Variants in CASKIN2 observed in about 807,000 individuals in gnomAD.
CASKIN2 encodes caskin-2.
Under a neutral mutation model 107.1 loss-of-function variants are expected in CASKIN2, and 41 were observed. The ratio of observed to expected loss-of-function variants is 0.38; its 90% CI spans 0.30 to 0.50. The LOEUF (loss-of-function observed/expected upper bound fraction) is 0.50, where lower values mean the gene tolerates loss of function less well. Ranked by LOEUF, CASKIN2 falls within the 20% of genes least tolerant of loss-of-function variation. The probability of loss-of-function intolerance (pLI) is 0.92; values close to 1 mark genes in which losing one functional copy is unlikely to be tolerated. For synonymous variants in CASKIN2, 724 were observed against 705.6 expected (o/e 1.03, Z -0.41); for missense variants, 1,546 against 1,657.4 (o/e 0.93, Z 1.17).
rs2053230863 is a variant in CASKIN2 at position 75,503,760 on chromosome 17, C to A, written c.1579G>T (p.Asp527Tyr). Reference sequence around the variant, plus strand: ...TTGGTCACCCCGATGGCCGTCAGGTCCTGCCACACAAAGTCTGGCCATCAG... The same window carrying A: ...TTGGTCACCCCGATGGCCGTCAGGTACTGCCACACAAAGTCTGGCCATCAG... ...VPTISRMTPE[D>Y]LTAIGVTKPG... Residue 527 changes from aspartate (D) to tyrosine (Y), a missense_variant and splice_region_variant, in exon 16 of 20, where the codon GAC (aspartate) becomes TAC (tyrosine). By Grantham distance (160) the Asp-to-Tyr change is radical. Around this residue, in one of 6 missense-constraint regions of CASKIN2, gnomAD observed 1,311 missense variants for 1,311.0 expected, o/e 1.00. Coordinates refer to ENST00000321617, the MANE Select transcript of CASKIN2 (RefSeq NM_020753.5). The A allele has an allele frequency of 6.2e-7, 1 of 1,612,354 alleles. No individual in the cohort carries two copies.
intron 2 of CASKIN2, among the ~76,000 whole-genome samples, 196 bp from the exon 3 acceptor site, chr17:75,508,481 A>C (rs568766260): frequency 6.6e-6 from 1 of 152,178 alleles, no homozygotes; most frequent in African/African-American, 2.4e-5. Flanking sequence ...TGAGGGCAGG[A>C]TGCTGCTGCG....
chr17:75,504,698 G>A lies in CASKIN2; in HGVS notation c.1193-5C>T. The A allele has an allele frequency of 6.3e-7, 1 of 1,589,588 alleles. No individual in the cohort carries two copies. Among genetic ancestry groups the A allele is most frequent in the Non-Finnish European group, 8.6e-7 (1 of 1,165,192 alleles). ...CCACACTATTCCTGTCACCTGCTGT[G>A]GGGGGCAGAAGCCAAGGGGTCAGAG... On this transcript the variant is annotated splice_polypyrimidine_tract_variant and splice_region_variant and intron_variant, in intron 11 of 19. Transcript: ENST00000321617.
At chr17:75,513,343 G>A (rs2053330413) in intron 2 of CASKIN2, among the ~76,000 whole-genome samples, 1 of 152,164 alleles carries the variant, frequency 6.6e-6, no homozygotes, top group Non-Finnish European at 1.5e-5. Flanking sequence ...TACTAGGGAG[G>A]CTGAGGCAGG....
Position 75,504,310 on chromosome 17 carries a change from C to T in CASKIN2, c.1376-4G>A, listed in dbSNP as rs1229289826. 1 of 1,606,208 alleles carries T rather than the reference C, an allele frequency of 6.2e-7. No individual in the cohort carries two copies. The highest frequency in any genetic ancestry group is 1.7e-5 in the Admixed American group (1 of 59,220). The stretch of plus-strand genomic sequence containing the variant: ...AGAGGGCGGTGGCTCAGGTTGTCTT[C>T]AAGGAGAGAGAAAAATGGAATGGAA... On this transcript the variant is annotated splice_region_variant and splice_polypyrimidine_tract_variant and intron_variant, in intron 13 of 19. Transcript: ENST00000321617.
In CASKIN2 at chr17:75,506,470, T is replaced by TG. The variant is rs2053266985; in HGVS notation, c.618-58dup. 4.3e-6 allele frequency: 5 copies of TG among 1,168,592 alleles called. No individual in the cohort carries two copies. Among genetic ancestry groups the TG allele is most frequent in the Non-Finnish European group, 5.7e-6 (5 of 870,538 alleles). The allele number at this position is 1,168,592 out of a possible 1,614,324, so 72.4% of individuals were successfully genotyped here. On this transcript the variant is annotated intron_variant, in intron 7 of 19. Transcript: ENST00000321617. The surrounding 1 kb of genome is among the most constrained non-coding windows in gnomAD (Gnocchi z 4.8). ...TGGCGTAGGAGGGGGTGCTGACTGC[T>TG]GGGGGCCTGGGAGATGGAGAGCCCG...
At position 75,503,346 on chromosome 17, in the gene CASKIN2, G is replaced by A. The variant is rs201923196; in HGVS notation, c.1819+43C>T. The A allele has an allele frequency of 1.2e-4, 199 of 1,593,758 alleles. 1 individual carries two copies. The African/African-American group carries it at 2.2e-3, about 17-fold the overall frequency. On this transcript the variant is annotated intron_variant, in intron 17 of 19. Coordinates refer to ENST00000321617, the MANE Select transcript of CASKIN2 (RefSeq NM_020753.5). ...CATACTGTCTTCTCTTGGAGACCCC[G>A]GAGGCAGGTGGGGGCCCAGCCAGGC...
At position 75,506,849 on chromosome 17, in the gene CASKIN2, T is replaced by C. The variant is rs765565323; in HGVS notation, c.436A>G (p.Lys146Glu). ...AGGTCCAGGGGCGTCTTCTTGGCCTTGTTGACCAGGCATGGGTTGGACTGA... is the reference window on the plus strand; with the variant it reads ...AGGTCCAGGGGCGTCTTCTTGGCCTCGTTGACCAGGCATGGGTTGGACTGA... ...QHQSNPCLVNKAKKTPLDLAC... is the reference protein window; with the variant it reads ...QHQSNPCLVNEAKKTPLDLAC... Residue 146 changes from lysine to glutamate, a missense_variant, in exon 6 of 20, where the codon AAG becomes GAG. Physicochemically the swap from Lys to Glu is moderately conservative, Grantham distance 56. Transcript: ENST00000321617. The surrounding 1 kb of genome is among the most constrained non-coding windows in gnomAD (Gnocchi z 4.8). 3 of 1,612,468 alleles carry C rather than the reference T, an allele frequency of 1.9e-6. No homozygotes were observed. The highest frequency in any genetic ancestry group is 2.2e-5 in the East Asian group (1 of 44,882).
intron 2 of CASKIN2, chr17:75,510,012 G>T: frequency 1.4e-6 from 1 of 713,402 alleles, no homozygotes; most frequent in Non-Finnish European, 1.7e-6. Context: ...CCTGGCAGGA[G>T]GGCAGAGGGT....
In CASKIN2 at chr17:75,506,296, C is replaced by T. The variant is rs551046975; in HGVS notation, c.726+9G>A. 6.2e-7 allele frequency: 1 copy of T among 1,604,390 alleles called. No homozygotes were observed. Among genetic ancestry groups the T allele is most frequent in the African/African-American group, 1.3e-5 (1 of 74,908 alleles). On this transcript the variant is annotated intron_variant, in intron 8 of 19. Coordinates refer to ENST00000321617, the MANE Select transcript of CASKIN2 (RefSeq NM_020753.5). The surrounding 1 kb of genome is among the most constrained non-coding windows in gnomAD (Gnocchi z 4.8). ...GGACACCTGCGAGGGAGCAGGGGCC[C>T]ATACCCACCTCCAGAAGCAGCCGCA...
Position 75,513,719 on chromosome 17 carries a change from G to A in CASKIN2, c.86C>T (p.Thr29Ile), listed in dbSNP as rs748996411. The change falls in exon 2 of 20, where the codon ACA becomes ATA. Residue 29 changes from threonine (T) to isoleucine (I), a missense_variant. Thr to Ile is a moderately conservative substitution (Grantham distance 89). Transcript: ENST00000321617. ...TCCCACCCGGTACTCACTTGTCTTTGTGGCCTTGACCTTCGCCACCAGTTT... is the reference window on the plus strand; with the variant it reads ...TCCCACCCGGTACTCACTTGTCTTTATGGCCTTGACCTTCGCCACCAGTTT... ...VQKLVAKVKA[T>I]KTKLLGSTKR... 2 of 1,586,472 alleles carry A rather than the reference G, an allele frequency of 1.3e-6. No homozygotes were observed. Among genetic ancestry groups the A allele is most frequent in the Non-Finnish European group, 1.7e-6 (2 of 1,163,108 alleles).
rs915172676 is a variant in CASKIN2 at position 75,502,487 on chromosome 17, C to T, written c.2587G>A (p.Ala863Thr). Reference protein sequence around the residue: ...TPRSQSFALRARRKGPPPPPP... With the variant: ...TPRSQSFALRTRRKGPPPPPP... Reference sequence around the variant, plus strand: ...GGGGGCGGGGGGCCTTTGCGCCGGGCCCGCAGGGCAAAGGACTGGCTGCGA... The same window carrying T: ...GGGGGCGGGGGGCCTTTGCGCCGGGTCCGCAGGGCAAAGGACTGGCTGCGA... The change falls in exon 18 of 20, where the codon GCC becomes ACC. Residue 863 changes from alanine (A) to threonine (T), a missense_variant. Around this residue, in one of 6 missense-constraint regions of CASKIN2, gnomAD observed 1,311 missense variants for 1,311.0 expected, o/e 1.00. Transcript: ENST00000321617. The surrounding 1 kb of genome is among the most constrained non-coding windows in gnomAD (Gnocchi z 4.3). 2 of 1,454,014 alleles carry T rather than the reference C, an allele frequency of 1.4e-6. No homozygotes were observed. Among genetic ancestry groups the T allele is most frequent in the Admixed American group, 2.7e-5 (1 of 36,384 alleles). 90.1% of individuals were successfully genotyped at this position (1,454,014 alleles called of 1,614,324 possible).
chr17:75,505,914 T>C lies in CASKIN2; in HGVS notation c.742A>G (p.Asn248Asp). Residue 248 changes from asparagine (N) to aspartate (D), a missense_variant, in exon 9 of 20, where the codon AAC (asparagine) becomes GAC (aspartate). Physicochemically the swap from Asn to Asp is conservative, Grantham distance 23 (BLOSUM62 1). Around this residue, in one of 6 missense-constraint regions of CASKIN2, gnomAD observed 62 missense variants for 81.1 expected, o/e 0.76. Transcript: ENST00000321617. This position sits in a 1 kb window ranked among gnomAD's most constrained non-coding sequence, Gnocchi z 5.1. ...RLLLEGGVDV[N>D]IRNTYNQTAL... ...GTCTGGTTATACGTATTCCGGATGT[T>C]CACGTCCACACCTCCCTGGGTGCAC... 1 of 1,613,532 alleles carries C rather than the reference T, an allele frequency of 6.2e-7. No individual in the cohort carries two copies. The highest frequency in any genetic ancestry group is 8.5e-7 in the Non-Finnish European group (1 of 1,179,932).
At chr17:75,510,006 G>T in intron 2 of CASKIN2, 1 of 773,378 alleles carries the variant, frequency 1.3e-6, no homozygotes, top group Non-Finnish European at 1.6e-6. Flanking sequence ...GGGGACCCTG[G>T]CAGGAGGGCA....
chr17:75,503,434 C>T lies in CASKIN2; in HGVS notation c.1774G>A (p.Asp592Asn), dbSNP rs1223166627. Residue 592 changes from aspartate to asparagine, a missense_variant, in exon 17 of 20, where the codon GAC (aspartate) becomes AAC (asparagine). By Grantham distance (23) the Asp-to-Asn change is conservative (BLOSUM62 1). Coordinates refer to ENST00000321617, the MANE Select transcript of CASKIN2 (RefSeq NM_020753.5). ...TCCTGCAGCTCCTCCCAGGTGAGGT[C>T]GGCCACCAGCCCCATGGAGTCGTAG... is the stretch of plus-strand genomic sequence containing the variant. ...SGYDSMGLVADLTWEELQEIG... is the reference protein window; with the variant it reads ...SGYDSMGLVANLTWEELQEIG... 5.0e-6 allele frequency: 8 copies of T among 1,612,916 alleles called. No individual in the cohort carries two copies. The highest frequency in any genetic ancestry group is 2.2e-5 in the East Asian group (1 of 44,880).
Position 75,506,429 on chromosome 17 carries a change from G to A in CASKIN2, c.618-16C>T. On this transcript the variant is annotated splice_polypyrimidine_tract_variant and intron_variant, in intron 7 of 19. Transcript: ENST00000321617. This position sits in a 1 kb window ranked among gnomAD's most constrained non-coding sequence, Gnocchi z 4.8. ...CAGGAGCTGCCTGCAGTGGACGGGG[G>A]GAGTCACGGGGGAGGTGGCGTAGGA... 6.2e-7 allele frequency: 1 copy of A among 1,604,736 alleles called. No individual in the cohort carries two copies. Among genetic ancestry groups the A allele is most frequent in the Non-Finnish European group, 8.5e-7 (1 of 1,177,640 alleles).
At chr17:75,509,797 T>C in intron 2 of CASKIN2, 1 of 985,600 alleles carries the variant, frequency 1.0e-6, no homozygotes, top group African/African-American at 1.7e-5. Flanking sequence ...CTGCCCACTC[T>C]TCCATTAGCC....
In CASKIN2 at chr17:75,501,900, G is replaced by C; in HGVS notation, c.3174C>G (p.Ala1058=). The C allele has an allele frequency of 6.4e-7, 1 of 1,571,680 alleles. No individual in the cohort carries two copies. Among genetic ancestry groups the C allele is most frequent in the Non-Finnish European group, 8.6e-7 (1 of 1,157,880 alleles). ...GGCAGGGCGGCACTGGAGGCTGCAT[G>C]GCGGGGCTGGGAGCAAGGGGGGTTG... ...GVPTPLAPSP[A]MQPPVPPCPG... is the part of the protein sequence containing the mutation. The change falls in exon 18 of 20, where the codon GCC becomes GCG. Residue 1058 remains alanine, a synonymous_variant. Transcript: ENST00000321617.
At chr17:75,504,756 C>A in intron 11 of CASKIN2, 56 bp downstream of exon 11, 1 of 1,575,444 alleles carries the variant, frequency 6.3e-7, no homozygotes, top group South Asian at 1.2e-5. Context: ...TGTCTGGCAG[C>A]TTGCCCAGGC....
intron 19 of CASKIN2, 79 bp downstream of exon 19, chr17:75,501,389 C>T (rs2053180960): frequency 6.1e-6 from 9 of 1,473,764 alleles, no homozygotes; most frequent in Non-Finnish European, 8.4e-6. Context: ...CTCCAACATC[C>T]CCATGATCCC....
Sources: allele counts gnomAD v4.1 joint callset (sites outside exome capture counted in the v4.1 genomes callset), GRCh38; gene constraint gnomAD v4.1.1; regional missense constraint gnomAD v4.1.1; non-coding constraint Gnocchi (gnomAD v3.1); transcripts MANE v1.5; gene names NCBI Gene and HGNC (gene_info 2026-07-23, HGNC 2026-07-21).